Variants in CCDC171 observed in about 807,000 individuals in gnomAD.
The protein encoded by CCDC171 is coiled-coil domain containing 171.
In CCDC171, 177 loss-of-function variants were observed where a neutral mutation model predicts 168.2. The observed-to-expected ratio is 1.05, with a 90% CI of 0.93 to 1.19. The LOEUF (loss-of-function observed/expected upper bound fraction) is 1.19, where lower values mean the gene tolerates loss of function less well. Among genes scored for constraint, CCDC171 ranks in the 50% most tolerant of loss-of-function variants. CCDC171 has a pLI of 0.00. For missense variants in CCDC171, 1,991 were observed against 1,539.0 expected, an observed-to-expected ratio of 1.29 and a Z score of -4.91; for synonymous variants, 687 against 540.8, an observed-to-expected ratio of 1.27 and a Z score of -3.75.
At chr9:15,638,213 T>G (rs1429183317) in intron 7 of CCDC171, among the ~76,000 whole-genome samples, 1 of 152,234 alleles carries the variant, frequency 6.6e-6, no homozygotes, top group Non-Finnish European at 1.5e-5. Context: ...AGCTTTAGTC[T>G]TCTAAGTTAC....
the CCDC171 span, among the ~76,000 whole-genome samples, chr9:16,097,102 G>T: frequency 6.6e-6 from 1 of 152,196 alleles, no homozygotes; most frequent in Non-Finnish European, 1.5e-5. Flanking sequence ...AACACCCACT[G>T]AGCGAATAGG....
At chr9:15,801,498 G>C (rs1041312619) in intron 21 of CCDC171, among the ~76,000 whole-genome samples, 1 of 152,056 alleles carries the variant, frequency 6.6e-6, no homozygotes, top group Non-Finnish European at 1.5e-5. Context: ...TTGTTTATCA[G>C]TTCTAATAGT....
At position 15,727,853 on chromosome 9, in the gene CCDC171, T is replaced by G. The variant is rs1203627287; in HGVS notation, c.1693-16T>G. 1 of 1,570,052 alleles carries G rather than the reference T, an allele frequency of 6.4e-7. No individual in the cohort carries two copies. Among genetic ancestry groups the G allele is most frequent in the African/African-American group, 1.4e-5 (1 of 72,970 alleles). ...TTTATATACAGCAATTAATTTTTCT[T>G]TTTTTTTTCCTGCAGGAGAAGCTAA... is the stretch of plus-strand genomic sequence containing the variant. On this transcript the variant is annotated splice_polypyrimidine_tract_variant and intron_variant, in intron 14 of 25. Coordinates refer to ENST00000380701, the MANE Select transcript of CCDC171 (RefSeq NM_173550.4).
intron 7 of CCDC171, among the ~76,000 whole-genome samples, chr9:15,625,354 C>T (rs1327127266): frequency 1.3e-5 from 2 of 152,142 alleles, no homozygotes; most frequent in African/African-American, 4.8e-5. Flanking sequence ...GCTTTTGTTG[C>T]CATTGCTTTT....
chr9:16,027,231 T>C (rs1429016615), intron 6 of CCDC171, among the ~76,000 whole-genome samples: 2 of 152,254 alleles, frequency 1.3e-5, no homozygotes, highest in African/African-American at 4.8e-5. Context: ...AGGAAATTTC[T>C]TTTCCTTTGT....
intron 13 of CCDC171, 40 bp from the exon 14 acceptor site, chr9:15,724,736 C>T (rs1407334642): frequency 2.1e-6 from 3 of 1,445,560 alleles, no homozygotes; most frequent in Admixed American, 3.4e-5. Flanking sequence ...CCCTTGTTGG[C>T]TGGCCTTTCT....
intron 21 of CCDC171, among the ~76,000 whole-genome samples, chr9:15,806,001 C>CT (rs1230974941): frequency 6.6e-6 from 1 of 152,004 alleles, no homozygotes; most frequent in African/African-American, 2.4e-5. Context: ...CTTTCTTTGT[C>CT]TTTTTTGATC....
chr9:15,729,235 T>G (rs757620423), intron 15 of CCDC171, among the ~76,000 whole-genome samples: 1 of 152,190 alleles, frequency 6.6e-6, no homozygotes, highest in East Asian at 1.9e-4. Context: ...TCATGTAAAC[T>G]GTTTGCAGAT....
At chr9:15,669,679 G>A (rs953681142) in intron 9 of CCDC171, among the ~76,000 whole-genome samples, 1 of 152,092 alleles carries the variant, frequency 6.6e-6, no homozygotes, top group African/African-American at 2.4e-5. Context: ...GGGAGAAAGA[G>A]ATCATAGTAA....
At chr9:16,047,884 G>A (rs921301699) in intron 1 of CCDC171, among the ~76,000 whole-genome samples, 6 of 152,076 alleles carry the variant, frequency 3.9e-5, no homozygotes, top group Admixed American at 2.6e-4. Flanking sequence ...TGATGGGTGT[G>A]AGGTAAGGGG....
rs528455765 is a variant in CCDC171 at position 15,912,318 on chromosome 9, T to C, written c.3601-7952T>C. Among the ~76,000 whole-genome samples the C allele has an allele frequency of 9.2e-5, 14 of 152,340 alleles. No individual in the cohort carries two copies. In the East Asian group the frequency reaches 2.5e-3, roughly 27 times the overall value. ...TTATTCTCTTTGTAGCAGTTGTGAA[T>C]GGGAGTTTGCTCATTATTTGGCTCT... On this transcript the variant is annotated intron_variant, in intron 24 of 25. Coordinates refer to ENST00000380701, the MANE Select transcript of CCDC171 (RefSeq NM_173550.4).
chr9:15,713,884 G>A (rs965129814), intron 11 of CCDC171, among the ~76,000 whole-genome samples: 1 of 151,408 alleles, frequency 6.6e-6, no homozygotes, highest in African/African-American at 2.4e-5. Flanking sequence ...GTGATAGAGA[G>A]CCAGAGTTGA....
chr9:15,870,478 G>C (rs1183000760), intron 23 of CCDC171, among the ~76,000 whole-genome samples: 2 of 151,874 alleles, frequency 1.3e-5, no homozygotes, highest in African/African-American at 2.4e-5. Context: ...AATTGAAGCA[G>C]ATTAAAAGTA....
chr9:16,025,449 G>A (rs757169281), intron 6 of CCDC171, among the ~76,000 whole-genome samples: 2 of 152,040 alleles, frequency 1.3e-5, no homozygotes, highest in Non-Finnish European at 2.9e-5. Context: ...ACAGAGTGAG[G>A]CTTCCTCTCA....
At chr9:15,961,861 C>T (rs922173102) in intron 25 of CCDC171, among the ~76,000 whole-genome samples, 4 of 152,066 alleles carry the variant, frequency 2.6e-5, no homozygotes, top group Non-Finnish European at 4.4e-5. Flanking sequence ...AAAACCCCAA[C>T]AATTCCAATA....
At chr9:15,920,914 C>T (rs1473582311) in intron 25 of CCDC171, among the ~76,000 whole-genome samples, 4 of 151,302 alleles carry the variant, frequency 2.6e-5, no homozygotes, top group Non-Finnish European at 5.9e-5. Flanking sequence ...CAGCTATTTT[C>T]ATGTCTTAAA....
intron 11 of CCDC171, among the ~76,000 whole-genome samples, chr9:15,702,759 C>G (rs1197053395): frequency 6.6e-6 from 1 of 152,202 alleles, no homozygotes; most frequent in African/African-American, 2.4e-5. Context: ...TCAGCATTTG[C>G]TGTTTGGCCT....
At chr9:15,573,746 A>G in intron 3 of CCDC171, among the ~76,000 whole-genome samples, 1 of 152,100 alleles carries the variant, frequency 6.6e-6, no homozygotes, top group Admixed American at 6.5e-5. Flanking sequence ...TAGTGTGATG[A>G]TAATCATTAC....
chr9:15,705,091 G>GACACACACACAC (rs3082789), intron 11 of CCDC171, among the ~76,000 whole-genome samples: 13,587 of 147,544 alleles, frequency 0.092, 795 homozygotes, highest in East Asian at 0.21. Flanking sequence ...GTATCCTTAC[G>GACACACACACAC]ACACACACAC....
Sources: allele counts gnomAD v4.1 joint callset (sites outside exome capture counted in the v4.1 genomes callset), GRCh38; gene constraint gnomAD v4.1.1; transcripts MANE v1.5; gene names NCBI Gene and HGNC (gene_info 2026-07-23, HGNC 2026-07-21).